The following PPM1L variants were observed in gnomAD, a reference collection of about 807,000 sequenced individuals.
PPM1L encodes protein phosphatase, Mg2+/Mn2+ dependent 1L.
In PPM1L, 13 loss-of-function variants were observed where a neutral mutation model predicts 31.4. The ratio of observed to expected loss-of-function variants is 0.41; its 90% CI spans 0.27 to 0.66. The LOEUF (loss-of-function observed/expected upper bound fraction) is 0.66. Among genes scored for constraint, PPM1L ranks in the 30% least tolerant of loss-of-function variants. The probability of loss-of-function intolerance (pLI) is 0.29; values close to 1 mark genes in which losing one functional copy is unlikely to be tolerated. For synonymous variants in PPM1L, 184 were observed against 175.4 expected (o/e 1.05, Z -0.39); for missense variants, 326 against 453.7 (o/e 0.72, Z 2.56).
At position 161,041,350 on chromosome 3, in the gene PPM1L, C is replaced by A. The variant is rs545350985; in HGVS notation, c.575-24053C>A. ...TCATGCCTCCCTAAAAGGTTTAAAA[C>A]CAAGCTGCACCCTGACCACCTTGGG... is the stretch of plus-strand genomic sequence containing the variant. On this transcript the variant is annotated intron_variant, in intron 2 of 3. Transcript: ENST00000498165. Among the ~76,000 whole-genome samples, 8 of 152,328 alleles carry A rather than the reference C, an allele frequency of 5.3e-5. No individual in the cohort carries two copies. The South Asian group carries it at 1.4e-3, about 28-fold the overall frequency.
At chr3:160,944,816 A>ATGT (rs1553748160) in intron 1 of PPM1L, among the ~76,000 whole-genome samples, 1 of 23,838 alleles carries the variant, frequency 4.2e-5, no homozygotes, top group African/African-American at 9.5e-5. Context: ...TATAACATAT[A>ATGT]TATGTTATAT....
Position 161,078,481 on chromosome 3 carries a change from A to C in PPM1L, c.*9324A>C, listed in dbSNP as rs920211519. The C allele has an allele frequency of 1.3e-5, 2 of 152,258 alleles. No individual in the cohort carries two copies. The highest frequency in any genetic ancestry group is 2.9e-5 in the Non-Finnish European group (2 of 68,048). The allele number at this position is 152,258 out of a possible 1,614,324, so 9.4% of individuals were successfully genotyped here. On this transcript the variant is annotated 3_prime_UTR_variant, in exon 4 of 4. Coordinates refer to ENST00000498165, the MANE Select transcript of PPM1L (RefSeq NM_139245.4). ...AATCTTCAAATTGTACTTAATAAATAAATCACAGGTCAAAATGACTGTAAA... is the reference window on the plus strand; with the variant it reads ...AATCTTCAAATTGTACTTAATAAATCAATCACAGGTCAAAATGACTGTAAA...
At chr3:160,840,434 T>C (rs1388845928) in intron 1 of PPM1L, among the ~76,000 whole-genome samples, 1 of 152,150 alleles carries the variant, frequency 6.6e-6, no homozygotes, top group Non-Finnish European at 1.5e-5. Context: ...TAGATACAGA[T>C]GTACATATAG....
chr3:160,828,817 GC>G (rs568051609), intron 1 of PPM1L, among the ~76,000 whole-genome samples: 141 of 152,090 alleles, frequency 9.3e-4, no homozygotes, highest in African/African-American at 3.3e-3. Flanking sequence ...CTAAACCAGA[GC>G]AAAACACCCC....
intron 1 of PPM1L, among the ~76,000 whole-genome samples, chr3:160,831,239 G>A (rs1403241595): frequency 6.6e-6 from 1 of 152,148 alleles, no homozygotes; most frequent in African/African-American, 2.4e-5. Context: ...TGATGGATAT[G>A]CTAATTACCC....
intron 2 of PPM1L, among the ~76,000 whole-genome samples, chr3:161,005,954 A>C (rs1717689638): frequency 6.6e-6 from 1 of 152,100 alleles, no homozygotes; most frequent in South Asian, 2.1e-4. Context: ...ATAAATATAC[A>C]ATTTTAAAAG....
chr3:160,966,722 GAGCAGCATCACTGAA>G (rs1212078210), intron 2 of PPM1L, among the ~76,000 whole-genome samples: 1 of 152,004 alleles, frequency 6.6e-6, no homozygotes, highest in East Asian at 1.9e-4. Flanking sequence ...ATGATACTTG[GAGCAGCATCACTGAA>G]AACAGTAAGT....
In PPM1L at chr3:161,076,982, GT is replaced by G. The variant is rs1406448528; in HGVS notation, c.*7826del. ...TATATTTTATTCTTTCCTTTTTTGT[GT>G]GAGCATCTACTATGTGCCAGGCAGT... On this transcript the variant is annotated 3_prime_UTR_variant, in exon 4 of 4. Transcript: ENST00000498165. 3 of 151,976 alleles carry G rather than the reference GT, an allele frequency of 2.0e-5. No homozygotes were observed. Among genetic ancestry groups the G allele is most frequent in the Non-Finnish European group, 4.4e-5 (3 of 67,994 alleles). 9.4% of individuals were successfully genotyped at this position (151,976 alleles called of 1,614,324 possible).
At position 160,942,966 on chromosome 3, in the gene PPM1L, T is replaced by A. The variant is rs184229699; in HGVS notation, c.400-18770T>A. The stretch of plus-strand genomic sequence containing the variant: ...ATCTGAAGGATAGACTTTTTTTTTT[T>A]AAGCTACCTGGAACATTGTAATGAA... On this transcript the variant is annotated intron_variant, in intron 1 of 3. Coordinates refer to ENST00000498165, the MANE Select transcript of PPM1L (RefSeq NM_139245.4). Among the ~76,000 whole-genome samples the A allele has an allele frequency of 5.6e-3, 846 of 152,170 alleles. 11 individuals carry two copies. The highest frequency in any genetic ancestry group is 6.6e-3 in the Non-Finnish European group (447 of 67,996).
chr3:160,854,511 A>C (rs1290199417), intron 1 of PPM1L, among the ~76,000 whole-genome samples: 1 of 152,126 alleles, frequency 6.6e-6, no homozygotes, highest in African/African-American at 2.4e-5. Context: ...GGATTTTCTC[A>C]ATGTGCAAAA....
At chr3:160,966,077 T>G (rs1716134266) in intron 2 of PPM1L, among the ~76,000 whole-genome samples, 1 of 152,022 alleles carries the variant, frequency 6.6e-6, no homozygotes, top group African/African-American at 2.4e-5. Flanking sequence ...AACCTGGAAT[T>G]CAGCAAAGAA....
intron 1 of PPM1L, among the ~76,000 whole-genome samples, chr3:160,895,379 A>ATT (rs36058531): frequency 3.3e-5 from 5 of 151,616 alleles, no homozygotes; most frequent in Non-Finnish European, 7.4e-5. Context: ...TGCCTGGCTA[A>ATT]TTTTTTTTGT....
intron 2 of PPM1L, among the ~76,000 whole-genome samples, chr3:161,053,319 T>C (rs375952806): frequency 6.6e-6 from 1 of 152,190 alleles, no homozygotes; most frequent in East Asian, 1.9e-4. Context: ...AAAATAGTCA[T>C]GCCCAGAGAG....
intron 1 of PPM1L, among the ~76,000 whole-genome samples, chr3:160,766,858 T>C (rs1715114033): frequency 6.7e-6 from 1 of 149,276 alleles, no homozygotes; most frequent in South Asian, 2.1e-4. Context: ...TACTCGAGTC[T>C]GTTAAGATTG....
chr3:160,819,238 A>C (rs1275831084), intron 1 of PPM1L, among the ~76,000 whole-genome samples: 1 of 152,018 alleles, frequency 6.6e-6, no homozygotes, highest in Non-Finnish European at 1.5e-5. Flanking sequence ...TAAAAATTGC[A>C]CTTTGTAAGA....
At chr3:160,758,724 C>T (rs1035134543) in intron 1 of PPM1L, among the ~76,000 whole-genome samples, 3 of 152,018 alleles carry the variant, frequency 2.0e-5, no homozygotes, top group Non-Finnish European at 2.9e-5. Flanking sequence ...AAAAGGGACA[C>T]GATAAATGCT....
rs185305504 is a variant in PPM1L, at chr3:161,009,642, C to T, written c.574+47732C>T. ...TTGTTATTGCATCTCCCTCCCCTGC[C>T]GCTGGCTACAAATTACTCTTAAGTC... is the stretch of plus-strand genomic sequence containing the variant. On this transcript the variant is annotated intron_variant, in intron 2 of 3. Coordinates refer to ENST00000498165, the MANE Select transcript of PPM1L (RefSeq NM_139245.4). 7.2e-5 allele frequency among the ~76,000 whole-genome samples: 11 copies of T among 152,216 alleles called. No homozygotes were observed. The East Asian group carries it at 1.5e-3, about 21-fold the overall frequency.
intron 1 of PPM1L, among the ~76,000 whole-genome samples, chr3:160,810,308 C>G (rs1023120948): frequency 4.6e-5 from 7 of 152,000 alleles, no homozygotes; most frequent in Admixed American, 3.9e-4. Context: ...TGCTCTCACT[C>G]CTGTTTCAAT....
At chr3:160,997,896 C>T (rs2108049304) in intron 2 of PPM1L, among the ~76,000 whole-genome samples, 1 of 152,224 alleles carries the variant, frequency 6.6e-6, no homozygotes, top group South Asian at 2.1e-4. Flanking sequence ...TCCTGAAGAA[C>T]CTCCAAAACT....
Sources: allele counts gnomAD v4.1 joint callset (sites outside exome capture counted in the v4.1 genomes callset), GRCh38; gene constraint gnomAD v4.1.1; transcripts MANE v1.5; gene names NCBI Gene and HGNC (gene_info 2026-07-23, HGNC 2026-07-21).